CHST8: variants seen among roughly 807,000 people sequenced by gnomAD.
CHST8 encodes GALNAC-4-ST1.
Under a neutral mutation model 15.0 loss-of-function variants are expected in CHST8, and 10 were observed. That is an observed-to-expected ratio of 0.67 (90% CI 0.41 to 1.13). The LOEUF (loss-of-function observed/expected upper bound fraction) is 1.13. Ranked by LOEUF, CHST8 falls within the 50% of genes most tolerant of loss-of-function variation. The pLI, the probability that CHST8 is intolerant of heterozygous loss-of-function variation, is 0.00. For synonymous variants in CHST8, 259 were observed against 256.6 expected (o/e 1.01, Z -0.09); for missense variants, 634 against 608.2 (o/e 1.04, Z -0.45).
intron 1 of CHST8, among the ~76,000 whole-genome samples, chr19:33,662,494 C>A (rs1972600452): frequency 6.6e-6 from 1 of 152,212 alleles, no homozygotes; most frequent in South Asian, 2.1e-4. Context: ...GGCATGGGGG[C>A]CTTCCATGGC....
intron 3 of CHST8, among the ~76,000 whole-genome samples, chr19:33,746,950 GA>G (rs1248943671): frequency 6.6e-6 from 1 of 152,126 alleles, no homozygotes; most frequent in Non-Finnish European, 1.5e-5. Context: ...GATGGTAATT[GA>G]GGGGCAGACC....
At position 33,731,984 on chromosome 19, in the gene CHST8, G is replaced by C. The variant is rs968995637; in HGVS notation, c.131-39429G>C. Among the ~76,000 whole-genome samples the C allele has an allele frequency of 3.9e-5, 6 of 152,274 alleles. 1 individual carries two copies. Among genetic ancestry groups the C allele is most frequent in the African/African-American group, 1.4e-4 (6 of 41,568 alleles). On this transcript the variant is annotated intron_variant, in intron 3 of 4. Transcript: ENST00000650847. The stretch of plus-strand genomic sequence containing the variant: ...ACAGAGATTGAGGTGCAAGGGGAGG[G>C]AGTCCCTTAATCCACACACTGCTCA...
chr19:33,628,435 G>C (rs765463971), intron 1 of CHST8, among the ~76,000 whole-genome samples: 28 of 152,296 alleles, frequency 1.8e-4, no homozygotes, highest in Non-Finnish European at 3.5e-4. Flanking sequence ...AGACCACTGT[G>C]GCCTTAAATA....
At chr19:33,754,116 C>G (rs945399676) in intron 3 of CHST8, among the ~76,000 whole-genome samples, 1 of 123,942 alleles carries the variant, frequency 8.1e-6, no homozygotes, top group Non-Finnish European at 1.7e-5. Context: ...CTCCCCACTA[C>G]CCTCTGTGTA....
rs769287203 is a variant in CHST8, at chr19:33,734,618, G to A, written c.131-36795G>A. Among the ~76,000 whole-genome samples, 5 of 152,278 alleles carry A rather than the reference G, an allele frequency of 3.3e-5. No homozygotes were observed. In the South Asian group the frequency reaches 6.2e-4, roughly 19 times the overall value. ...CCCAGGAGAACGCCCTGCCATCGTT[G>A]TCCCAACTGCAGGAGCTCAGGGAGA... On this transcript the variant is annotated intron_variant, in intron 3 of 4. Coordinates refer to ENST00000650847, the MANE Select transcript of CHST8 (RefSeq NM_001127895.2).
intron 1 of CHST8, among the ~76,000 whole-genome samples, chr19:33,635,875 T>C (rs1972189020): frequency 9.9e-5 from 15 of 152,076 alleles, no homozygotes; most frequent in Admixed American, 9.8e-4. Flanking sequence ...GGGACTACAG[T>C]GCATGGACAG....
intron 1 of CHST8, among the ~76,000 whole-genome samples, chr19:33,629,223 G>A (rs1018580985): frequency 1.7e-4 from 26 of 152,342 alleles, no homozygotes; most frequent in East Asian, 5.8e-4. Context: ...ACTTCCCTCC[G>A]GAGCTGAGTG....
intron 3 of CHST8, among the ~76,000 whole-genome samples, chr19:33,744,779 T>A (rs1252122911): frequency 6.6e-6 from 1 of 152,112 alleles, no homozygotes; most frequent in Non-Finnish European, 1.5e-5. Flanking sequence ...GACGGAGTCT[T>A]GCTCTGTCGC....
intron 3 of CHST8, among the ~76,000 whole-genome samples, chr19:33,711,517 G>A (rs946652582): frequency 4.6e-5 from 7 of 152,176 alleles, no homozygotes; most frequent in African/African-American, 1.7e-4. Context: ...TGGTCATTGT[G>A]TAGTATAAAT....
intron 2 of CHST8, among the ~76,000 whole-genome samples, chr19:33,676,297 CA>C (rs777773356): frequency 2.0e-5 from 3 of 152,190 alleles, no homozygotes; most frequent in Admixed American, 1.3e-4. Context: ...GGGTCCAGTG[CA>C]GTGGCTTATG....
intron 3 of CHST8, among the ~76,000 whole-genome samples, chr19:33,760,369 G>A (rs1049616641): frequency 3.5e-5 from 4 of 115,278 alleles, no homozygotes; most frequent in African/African-American, 1.0e-4. Context: ...CCAGGCTGGA[G>A]TGCAGTGGTG....
At chr19:33,636,278 A>G (rs572066577) in intron 1 of CHST8, among the ~76,000 whole-genome samples, 62 of 152,292 alleles carry the variant, frequency 4.1e-4, no homozygotes, top group Non-Finnish European at 7.3e-5. Flanking sequence ...TTATAGGCAG[A>G]CAGCTCATAA....
At chr19:33,684,286 C>T (rs988833515) in intron 2 of CHST8, among the ~76,000 whole-genome samples, 3 of 152,166 alleles carry the variant, frequency 2.0e-5, no homozygotes, top group African/African-American at 7.2e-5. Context: ...GAGAACCCTG[C>T]CTTGTAACAG....
At chr19:33,687,145 G>A (rs1471804016) in intron 2 of CHST8, among the ~76,000 whole-genome samples, 1 of 152,274 alleles carries the variant, frequency 6.6e-6, no homozygotes, top group East Asian at 1.9e-4. Flanking sequence ...GCTGGCCCCG[G>A]TGGGGCTGGG....
At chr19:33,668,282 G>T (rs1972689161) in intron 2 of CHST8, among the ~76,000 whole-genome samples, 1 of 150,504 alleles carries the variant, frequency 6.6e-6, no homozygotes, top group Admixed American at 6.6e-5. Flanking sequence ...TAGAGCTCGG[G>T]GACCCTGGGT....
At position 33,762,862 on chromosome 19, in the gene CHST8, C is replaced by T. The variant is rs75163158; in HGVS notation, c.131-8551C>T. 4.8e-3 allele frequency among the ~76,000 whole-genome samples: 403 copies of T among 84,386 alleles called. 4 individuals are homozygous for T. Among genetic ancestry groups the T allele is most frequent in the Middle Eastern group, 0.019 (4 of 216 alleles). The allele number at this position is 84,386 out of a possible 152,430, so 55.4% of individuals were successfully genotyped here. A position where few individuals can be genotyped will look rare whatever the true frequency, so the allele number is the denominator to read the frequency against. ...AGTGGGTGTGTGCGCTCAGTTTTCTCTCTTTTTTTTTTTTTTTGAGATGGA... is the reference window on the plus strand; with the variant it reads ...AGTGGGTGTGTGCGCTCAGTTTTCTTTCTTTTTTTTTTTTTTTGAGATGGA... On this transcript the variant is annotated intron_variant, in intron 3 of 4. Transcript: ENST00000650847.
intron 3 of CHST8, among the ~76,000 whole-genome samples, chr19:33,695,572 C>CAGCCTTG (rs1340906346): frequency 2.6e-4 from 39 of 152,020 alleles, no homozygotes; most frequent in African/African-American, 8.7e-4. Context: ...CCCCCCATCC[C>CAGCCTTG]AGCCTTGTCC....
intron 1 of CHST8, among the ~76,000 whole-genome samples, chr19:33,627,102 G>A (rs1434459377): frequency 4.0e-5 from 5 of 125,686 alleles, no homozygotes; most frequent in Admixed American, 1.6e-4. Flanking sequence ...TTTTTTTGGG[G>A]GGGGGGCGGG....
intron 1 of CHST8, among the ~76,000 whole-genome samples, chr19:33,661,051 C>T (rs551030530): frequency 8.5e-5 from 13 of 152,224 alleles, no homozygotes; most frequent in South Asian, 8.3e-4. Context: ...CTCTTGTCTG[C>T]GAGGCACGGG....
Sources: allele counts gnomAD v4.1 joint callset (sites outside exome capture counted in the v4.1 genomes callset), GRCh38; gene constraint gnomAD v4.1.1; transcripts MANE v1.5; gene names NCBI Gene and HGNC (gene_info 2026-07-23, HGNC 2026-07-21).